Variants in RPS6KC1 observed in about 807,000 individuals in gnomAD.
RPS6KC1 encodes the protein ribosomal protein S6 kinase C1.
RPS6KC1 carries 54 observed loss-of-function variants against 103.8 expected under a neutral mutation model. The ratio of observed to expected loss-of-function variants is 0.52; its 90% confidence interval spans 0.42 to 0.65. The LOEUF (loss-of-function observed/expected upper bound fraction) is 0.65, where lower values mean the gene tolerates loss of function less well. RPS6KC1 is among the 30% of genes least tolerant of loss of function. The probability of loss-of-function intolerance (pLI) is 0.00; values close to 1 mark genes in which losing one functional copy is unlikely to be tolerated. For missense variants in RPS6KC1, 1,151 were observed against 1,253.8 expected (o/e 0.92, Z 1.24); for synonymous variants, 439 against 438.7 (o/e 1.00, Z -0.01).
At chr1:213,392,896 G>C in the RPS6KC1 span, among the ~76,000 whole-genome samples, 1 of 152,280 alleles carries the variant, frequency 6.6e-6, no homozygotes, top group African/African-American at 2.4e-5. Flanking sequence ...CCTAAAGTGC[G>C]GATGTTGGTG....
Position 213,104,582 on chromosome 1 carries a change from T to A in RPS6KC1, c.378+13T>A. On this transcript the variant is annotated intron_variant, in intron 4 of 14. Transcript: ENST00000366960. ...AGACTTTTTCAAGGTTTGGTAGTCT[T>A]TCTGGAATATTTTATATCTTATTAA... 1 of 1,389,260 alleles carries A rather than the reference T, an allele frequency of 7.2e-7. No homozygotes were observed. Among genetic ancestry groups the A allele is most frequent in the South Asian group, 1.3e-5 (1 of 79,650 alleles). The allele number at this position is 1,389,260 out of a possible 1,614,324, so 86.1% of individuals were successfully genotyped here.
the RPS6KC1 span, among the ~76,000 whole-genome samples, chr1:213,728,905 A>G: frequency 7.1e-6 from 1 of 140,748 alleles, no homozygotes; most frequent in Non-Finnish European, 1.5e-5. Flanking sequence ...CAGAAGTATA[A>G]CTTAGGTTTC....
chr1:213,784,718 G>A, the RPS6KC1 span, among the ~76,000 whole-genome samples: 4 of 152,162 alleles, frequency 2.6e-5, no homozygotes, highest in Non-Finnish European at 5.9e-5. Context: ...ACTGGATGGC[G>A]CTTTTCACTA....
the RPS6KC1 span, among the ~76,000 whole-genome samples, chr1:213,853,578 G>C: frequency 6.6e-6 from 1 of 152,128 alleles, no homozygotes; most frequent in African/African-American, 2.4e-5. Flanking sequence ...TTTGATTTTG[G>C]GGTTTTGCTG....
At chr1:213,820,552 C>G in the RPS6KC1 span, 1 of 152,168 alleles carries the variant, frequency 6.6e-6, no homozygotes, top group Admixed American at 6.5e-5. Flanking sequence ...TGTCAGAGAG[C>G]CTCTAGAAAC....
chr1:213,828,457 G>A, the RPS6KC1 span, among the ~76,000 whole-genome samples: 3 of 152,142 alleles, frequency 2.0e-5, no homozygotes, highest in Non-Finnish European at 4.4e-5. Flanking sequence ...GGCCGGAAAA[G>A]TCCACCGTGC....
chr1:213,564,167 T>C, the RPS6KC1 span, among the ~76,000 whole-genome samples: 1 of 152,142 alleles, frequency 6.6e-6, no homozygotes, highest in South Asian at 2.1e-4. Context: ...AAAGAGAAAA[T>C]CGTTTTTAGT....
the RPS6KC1 span, among the ~76,000 whole-genome samples, chr1:213,708,196 G>A: frequency 6.6e-6 from 1 of 152,064 alleles, no homozygotes; most frequent in Non-Finnish European, 1.5e-5. Context: ...TTACTTGTTT[G>A]TGTCCTCTCT....
chr1:213,466,974 A>G, the RPS6KC1 span, among the ~76,000 whole-genome samples: 1 of 151,908 alleles, frequency 6.6e-6, no homozygotes, highest in Non-Finnish European at 1.5e-5. Context: ...AAGGAGGCCT[A>G]TGAGCCTTAA....
the RPS6KC1 span, among the ~76,000 whole-genome samples, chr1:213,421,578 G>A: frequency 1.5e-4 from 23 of 152,336 alleles, no homozygotes; most frequent in South Asian, 4.6e-3. Context: ...CTAACCCTGG[G>A]GCTCCAGGTT....
the RPS6KC1 span, among the ~76,000 whole-genome samples, chr1:213,319,125 G>A: frequency 2.6e-5 from 4 of 152,072 alleles, no homozygotes; most frequent in Admixed American, 2.6e-4. Flanking sequence ...GGCCAACATG[G>A]TGAAACCCCA....
chr1:213,421,645 T>G, the RPS6KC1 span, among the ~76,000 whole-genome samples: 1 of 152,226 alleles, frequency 6.6e-6, no homozygotes, highest in Non-Finnish European at 1.5e-5. Flanking sequence ...CCCTGCTTCC[T>G]CAGTGGAAAT....
At chr1:213,094,746 T>C (rs544829418) in intron 3 of RPS6KC1, among the ~76,000 whole-genome samples, 11 of 152,306 alleles carry the variant, frequency 7.2e-5, no homozygotes, top group African/African-American at 2.6e-4. Context: ...AACAATTCCA[T>C]AGAACATTGA....
the RPS6KC1 span, among the ~76,000 whole-genome samples, chr1:213,674,688 G>A: frequency 6.6e-6 from 1 of 152,282 alleles, no homozygotes; most frequent in Non-Finnish European, 1.5e-5. Flanking sequence ...TTGAATGGTA[G>A]TTATATTTTA....
the RPS6KC1 span, among the ~76,000 whole-genome samples, chr1:213,669,721 C>G: frequency 6.6e-6 from 1 of 152,058 alleles, no homozygotes; most frequent in Non-Finnish European, 1.5e-5. Flanking sequence ...TTTGATTTAT[C>G]CTATGGTACA....
At chr1:213,294,561 A>C in the RPS6KC1 span, among the ~76,000 whole-genome samples, 2 of 152,184 alleles carry the variant, frequency 1.3e-5, no homozygotes, top group Non-Finnish European at 2.9e-5. Context: ...GAGAGAGCAC[A>C]GTCAGTGACT....
the RPS6KC1 span, among the ~76,000 whole-genome samples, chr1:213,696,443 G>A: frequency 3.3e-5 from 5 of 150,782 alleles, no homozygotes; most frequent in East Asian, 3.9e-4. Context: ...CGGAGACTGC[G>A]GTGAGCCGAG....
chr1:213,563,972 C>CTTTTTTTTTTTTTTTTTTTTTTCTT, the RPS6KC1 span, among the ~76,000 whole-genome samples: 1 of 134,398 alleles, frequency 7.4e-6, no homozygotes, highest in Non-Finnish European at 1.6e-5. Context: ...TTGCTTACCT[C>CTTTTTTTTTTTTTTTTTTTTTTCTT]TTTTTTTTTT....
chr1:213,189,388 G>A (rs186341428), intron 8 of RPS6KC1, among the ~76,000 whole-genome samples: 175 of 149,542 alleles, frequency 1.2e-3, no homozygotes, highest in African/African-American at 3.2e-3. Flanking sequence ...GGCAGAGGTT[G>A]CAGTGAGCCG....
Sources: allele counts gnomAD v4.1 joint callset (sites outside exome capture counted in the v4.1 genomes callset), GRCh38; gene constraint gnomAD v4.1.1; transcripts MANE v1.5; gene names NCBI Gene and HGNC (gene_info 2026-07-23, HGNC 2026-07-21).